MBD5: variants seen among roughly 807,000 people sequenced by gnomAD.
MBD5 encodes methyl-CpG binding domain protein 5.
In MBD5, 13 loss-of-function variants were observed where a neutral mutation model predicts 117.3. The ratio of observed to expected loss-of-function variants is 0.11; its 90% CI spans 0.07 to 0.18. The LOEUF (loss-of-function observed/expected upper bound fraction) is 0.18, where lower values mean the gene tolerates loss of function less well. Ranked by LOEUF, MBD5 falls within the 10% of genes least tolerant of loss-of-function variation. The pLI, the probability that MBD5 is intolerant of heterozygous loss-of-function variation, is 1.00. For synonymous variants in MBD5, 727 were observed against 766.4 expected, an observed-to-expected ratio of 0.95 and a Z score of 0.85; for missense variants, 1,879 against 2,093.8, an observed-to-expected ratio of 0.90 and a Z score of 2.00.
At chr2:148,397,076 C>A (rs1704739841) in intron 4 of MBD5, among the ~76,000 whole-genome samples, 1 of 152,062 alleles carries the variant, frequency 6.6e-6, no homozygotes, top group South Asian at 2.1e-4. Context: ...ATTTCAGATC[C>A]CAAATATTAC....
intron 4 of MBD5, among the ~76,000 whole-genome samples, chr2:148,429,852 G>A (rs558762706): frequency 6.6e-6 from 1 of 152,042 alleles, no homozygotes; most frequent in African/African-American, 2.4e-5. Flanking sequence ...GTCATGGGGT[G>A]GGGGGCTGGC....
intron 2 of MBD5, among the ~76,000 whole-genome samples, chr2:148,197,325 C>A (rs1345826788): frequency 1.3e-5 from 2 of 152,128 alleles, no homozygotes; most frequent in Non-Finnish European, 2.9e-5. Flanking sequence ...CAGCTGGTAC[C>A]AAGTGGAGCA....
At chr2:148,024,461 C>A (rs767420277) in intron 1 of MBD5, among the ~76,000 whole-genome samples, 1 of 152,158 alleles carries the variant, frequency 6.6e-6, no homozygotes, top group East Asian at 1.9e-4. Flanking sequence ...GTTTTGTTAA[C>A]ACATCCTTCT....
At chr2:148,344,229 G>A (rs114715322) in intron 4 of MBD5, among the ~76,000 whole-genome samples, 1 of 151,986 alleles carries the variant, frequency 6.6e-6, no homozygotes, top group Non-Finnish European at 1.5e-5. Flanking sequence ...TTATAGTATA[G>A]TTTGAAGTTG....
intron 1 of MBD5, among the ~76,000 whole-genome samples, chr2:148,145,263 T>C (rs1697425796): frequency 6.6e-6 from 1 of 152,050 alleles, no homozygotes; most frequent in Admixed American, 6.6e-5. Context: ...TGTTATTGCT[T>C]TATAGGAATG....
intron 4 of MBD5, among the ~76,000 whole-genome samples, chr2:148,426,374 A>G (rs1232402344): frequency 6.6e-6 from 1 of 152,134 alleles, no homozygotes; most frequent in Non-Finnish European, 1.5e-5. Flanking sequence ...ACAAAGCTGG[A>G]GGCATCACAC....
intron 1 of MBD5, among the ~76,000 whole-genome samples, chr2:148,124,936 A>G (rs1032745262): frequency 8.1e-4 from 122 of 151,064 alleles, no homozygotes; most frequent in African/African-American, 2.9e-3. Context: ...GTAAATAAGT[A>G]TAAGCTATAT....
At chr2:148,443,051 A>T (rs1178518027) in intron 4 of MBD5, among the ~76,000 whole-genome samples, 1 of 151,442 alleles carries the variant, frequency 6.6e-6, no homozygotes, top group Non-Finnish European at 1.5e-5. Context: ...CTATAGGAAA[A>T]AAATCTAATA....
chr2:148,398,394 G>A (rs1337078571), intron 4 of MBD5, among the ~76,000 whole-genome samples: 1 of 151,874 alleles, frequency 6.6e-6, no homozygotes, highest in Non-Finnish European at 1.5e-5. Flanking sequence ...GCATTTCTCT[G>A]ATGGCCAGTG....
At chr2:148,283,630 G>A (rs13413027) in intron 3 of MBD5, among the ~76,000 whole-genome samples, 55,418 of 151,814 alleles carry the variant, frequency 0.37, 10,494 homozygotes, top group Admixed American at 0.42. Flanking sequence ...ATCCTTCACC[G>A]ATGGCCCTAT....
At chr2:148,132,358 A>T (rs961281925) in intron 1 of MBD5, among the ~76,000 whole-genome samples, 12 of 147,956 alleles carry the variant, frequency 8.1e-5, no homozygotes, top group Admixed American at 6.8e-5. Flanking sequence ...ATACACATAT[A>T]TATATATATA....
rs115385046 is a variant in MBD5, at chr2:148,470,247, T to C, written c.2304T>C (p.Phe768=). The C allele has an allele frequency of 5.6e-6, 9 of 1,614,008 alleles. No individual in the cohort carries two copies. In the East Asian group the frequency reaches 2.0e-4, roughly 36 times the overall value. The change falls in exon 8 of 14, where the codon TTT becomes TTC. Residue 768 remains phenylalanine (F), a synonymous_variant. Transcript: ENST00000642680. ...AVHCHNANTN[F]VHSNSPVPNH... is the part of the protein sequence containing the mutation. ...ACTGCCACAATGCAAACACTAACTTTGTTCACAGTAACAGTCCAGTCCCCA... is the reference window on the plus strand; with the variant it reads ...ACTGCCACAATGCAAACACTAACTTCGTTCACAGTAACAGTCCAGTCCCCA...
At chr2:148,368,188 AAG>A (rs1703757527) in intron 4 of MBD5, among the ~76,000 whole-genome samples, 1 of 152,154 alleles carries the variant, frequency 6.6e-6, no homozygotes, top group South Asian at 2.1e-4. Flanking sequence ...GTCATGGATG[AAG>A]CTGGAAGCCA....
At position 148,348,715 on chromosome 2, in the gene MBD5, A is replaced by G. The variant is rs185895204; in HGVS notation, c.-557+6379A>G. Among the ~76,000 whole-genome samples, 17 of 152,130 alleles carry G rather than the reference A, an allele frequency of 1.1e-4. No homozygotes were observed. The East Asian group carries it at 3.3e-3, about 29-fold the overall frequency. The stretch of plus-strand genomic sequence containing the variant: ...AACAGAAGGGGTTGCTGGTGTAGAC[A>G]TTCCAACATTGTGAGAAATATCCAC... On this transcript the variant is annotated intron_variant, in intron 4 of 13. Coordinates refer to ENST00000642680, the MANE Select transcript of MBD5 (RefSeq NM_001378120.1).
At chr2:148,252,568 G>T (rs1478123203) in intron 3 of MBD5, among the ~76,000 whole-genome samples, 1 of 150,544 alleles carries the variant, frequency 6.6e-6, no homozygotes, top group East Asian at 1.9e-4. Flanking sequence ...GCAAGTTAGT[G>T]GATCTTTAAG....
rs764230358 is a variant in MBD5, at chr2:148,267,952, CT to C, written c.-680+34572del. Among the ~76,000 whole-genome samples the C allele has an allele frequency of 5.5e-3, 706 of 127,226 alleles. 5 individuals are homozygous for C. Among genetic ancestry groups the C allele is most frequent in the African/African-American group, 0.017 (578 of 34,396 alleles). The allele number at this position is 127,226 out of a possible 152,430, so 83.5% of individuals were successfully genotyped here. ...TCTCTCGCTCTCTTTTCTTTTTTTT[CT>C]TTTTTTTTTTTTTTGAGACAGGTTC... On this transcript the variant is annotated intron_variant, in intron 3 of 13. Transcript: ENST00000642680.
At position 148,322,354 on chromosome 2, in the gene MBD5, G is replaced by A. The variant is rs116422216; in HGVS notation, c.-679-19860G>A. 1.0e-2 allele frequency among the ~76,000 whole-genome samples: 1,517 copies of A among 152,226 alleles called. 24 individuals carry two copies. Among genetic ancestry groups the A allele is most frequent in the African/African-American group, 0.035 (1,453 of 41,532 alleles). The stretch of plus-strand genomic sequence containing the variant: ...TTCAACAGCTTGTAAGTGCCTTGAG[G>A]ACCTGACCTGTGTATTTTTCATTTT... On this transcript the variant is annotated intron_variant, in intron 3 of 13. Coordinates refer to ENST00000642680, the MANE Select transcript of MBD5 (RefSeq NM_001378120.1).
chr2:148,371,484 C>T (rs1703851114), intron 4 of MBD5, among the ~76,000 whole-genome samples: 2 of 152,132 alleles, frequency 1.3e-5, no homozygotes, highest in Admixed American at 6.5e-5. Flanking sequence ...TAAAGTTACA[C>T]TGTATCAACA....
chr2:148,148,693 G>A (rs1697541883), intron 1 of MBD5, among the ~76,000 whole-genome samples: 1 of 151,922 alleles, frequency 6.6e-6, no homozygotes, highest in African/African-American at 2.4e-5. Flanking sequence ...CAATTTCTAT[G>A]GGTTTTATAA....
Sources: allele counts gnomAD v4.1 joint callset (sites outside exome capture counted in the v4.1 genomes callset), GRCh38; gene constraint gnomAD v4.1.1; transcripts MANE v1.5; gene names NCBI Gene and HGNC (gene_info 2026-07-23, HGNC 2026-07-21).